NECTIN1: variants seen among roughly 807,000 people sequenced by gnomAD.
The protein encoded by NECTIN1 is nectin cell adhesion molecule 1, also known as nectin-1.
NECTIN1 carries 23 observed loss-of-function variants against 48.0 expected under a neutral mutation model. That is an observed-to-expected ratio of 0.48 (90% CI 0.34 to 0.68). The LOEUF is 0.68. NECTIN1 is among the 30% of genes least tolerant of loss of function. The pLI, the probability that NECTIN1 is intolerant of heterozygous loss-of-function variation, is 0.01. For missense variants in NECTIN1, 591 were observed against 709.9 expected, an observed-to-expected ratio of 0.83 and a Z score of 1.90; for synonymous variants, 270 against 288.9, an observed-to-expected ratio of 0.93 and a Z score of 0.66.
In NECTIN1 at chr11:119,678,366, G is replaced by A. The variant is rs374270391; in HGVS notation, c.430+49C>T. ...GGCATCCTGAGGATGGCCACGCCCCGAGGTCACAGGCCTCTGGATGAACAG... is the reference window on the plus strand; with the variant it reads ...GGCATCCTGAGGATGGCCACGCCCCAAGGTCACAGGCCTCTGGATGAACAG... On this transcript the variant is annotated intron_variant, in intron 2 of 5. Coordinates refer to ENST00000264025, the MANE Select transcript of NECTIN1 (RefSeq NM_002855.5). The surrounding 1 kb of genome is among the most constrained non-coding windows in gnomAD (Gnocchi z 4.4). 126 of 1,549,984 alleles carry A rather than the reference G, an allele frequency of 8.1e-5. No homozygotes were observed. In the Middle Eastern group the frequency reaches 2.4e-3, roughly 29 times the overall value.
intron 1 of NECTIN1, among the ~76,000 whole-genome samples, chr11:119,698,516 A>G (rs1195669608): frequency 6.6e-6 from 1 of 152,218 alleles, no homozygotes; most frequent in Non-Finnish European, 1.5e-5. Context: ...GTGCTTGGGC[A>G]TGTGGGATCA....
chr11:119,638,598 C>A (rs868603373), intron 7 of NECTIN1: 1 of 861,824 alleles, frequency 1.2e-6, no homozygotes, highest in Middle Eastern at 2.3e-4. Context: ...TAGCATGGAC[C>A]TGGCCTTGTG....
At chr11:119,712,293 C>G (rs1324080806) in intron 1 of NECTIN1, among the ~76,000 whole-genome samples, 1 of 152,132 alleles carries the variant, frequency 6.6e-6, no homozygotes, top group Non-Finnish European at 1.5e-5. Context: ...TTCTCAGCCT[C>G]CAGGTTTCAG....
At chr11:119,692,193 T>G (rs1285130224) in intron 1 of NECTIN1, among the ~76,000 whole-genome samples, 1 of 152,086 alleles carries the variant, frequency 6.6e-6, no homozygotes, top group Non-Finnish European at 1.5e-5. Flanking sequence ...CTTGTCGGGG[T>G]TTCAGGAGTC....
intron 5 of NECTIN1, among the ~76,000 whole-genome samples, chr11:119,652,771 G>T (rs1219189957): frequency 6.6e-6 from 1 of 152,168 alleles, no homozygotes; most frequent in Non-Finnish European, 1.5e-5. Context: ...AACACTGATT[G>T]TATCTACTAA....
intron 5 of NECTIN1, among the ~76,000 whole-genome samples, chr11:119,648,200 G>A: frequency 7.4e-6 from 1 of 134,422 alleles, no homozygotes; most frequent in Non-Finnish European, 1.6e-5. Context: ...TGGTGTGATG[G>A]TACTGGTGCA....
At chr11:119,653,133 G>A (rs886844034) in intron 5 of NECTIN1, among the ~76,000 whole-genome samples, 1 of 152,144 alleles carries the variant, frequency 6.6e-6, no homozygotes, top group African/African-American at 2.4e-5. Context: ...GTCTTGATCC[G>A]GGGGTGGTGA....
chr11:119,711,513 G>A (rs1362289685), intron 1 of NECTIN1, among the ~76,000 whole-genome samples: 2 of 152,158 alleles, frequency 1.3e-5, no homozygotes, highest in African/African-American at 2.4e-5. Context: ...GCTGAGCTAG[G>A]GCCTGCAGAG....
In NECTIN1 at chr11:119,648,346, CTGGTGG is replaced by C. The variant is rs1565376691; in HGVS notation, c.1004-8340_1004-8335del. ...GATGGTGGTGATGGTGGTGGTGATG[CTGGTGG>C]TGGTGATGCTGGTGATGGTGGTGAT... is the stretch of plus-strand genomic sequence containing the variant. On this transcript the variant is annotated intron_variant, in intron 5 of 7. Coordinates refer to the NECTIN1 transcript ENST00000341398. 6.1e-3 allele frequency among the ~76,000 whole-genome samples: 10 copies of C among 1,644 alleles called. 3 individuals are homozygous for C. The East Asian group carries it at 0.062, about 10-fold the overall frequency. 1.1% of individuals were successfully genotyped at this position (1,644 alleles called of 152,430 possible).
chr11:119,640,111 G>A lies in NECTIN1; in HGVS notation c.1004-99C>T. On this transcript the variant is annotated intron_variant, in intron 5 of 7. Coordinates refer to the NECTIN1 transcript ENST00000341398. Reference sequence around the variant, plus strand: ...GAGTCAGACCCTGAGGCAGTACTCTGCCTTTGACATTGCACCCCCAGCTCC... The same window carrying A: ...GAGTCAGACCCTGAGGCAGTACTCTACCTTTGACATTGCACCCCCAGCTCC... The A allele has an allele frequency of 1.8e-5, 24 of 1,317,232 alleles. No homozygotes were observed. The South Asian group carries it at 3.0e-4, about 17-fold the overall frequency. 81.6% of individuals were successfully genotyped at this position (1,317,232 alleles called of 1,614,324 possible).
In NECTIN1 at chr11:119,677,912, C is replaced by A. The variant is rs1864987745; in HGVS notation, c.431-55G>T. On this transcript the variant is annotated intron_variant, in intron 2 of 5. Transcript: ENST00000264025. This position sits in a 1 kb window ranked among gnomAD's most constrained non-coding sequence, Gnocchi z 5.4. Reference sequence around the variant, plus strand: ...TAGCCCTGTTGACTTGTCCAAGATGCACCGGCCAAAAGGGCGTGGCATCCG... The same window carrying A: ...TAGCCCTGTTGACTTGTCCAAGATGAACCGGCCAAAAGGGCGTGGCATCCG... 2.5e-6 allele frequency: 4 copies of A among 1,574,670 alleles called. No individual in the cohort carries two copies. The highest frequency in any genetic ancestry group is 1.1e-5 in the South Asian group (1 of 89,950).
In NECTIN1 at chr11:119,639,950, C is replaced by G. The variant is rs766944808; in HGVS notation, c.1066G>C (p.Val356Leu). The G allele has an allele frequency of 6.2e-6, 10 of 1,614,138 alleles. No individual in the cohort carries two copies. The South Asian group carries it at 1.1e-4, about 18-fold the overall frequency. ...AGCACAGCAACTAGGATGAGGAACA[C>G]GGCCACGGTGCCCGCCAGGAGCCTG... Residue 356 changes from valine (V) to leucine (L), a missense_variant, in exon 6 of 8, where the codon GTG (valine) becomes CTG (leucine). Val to Leu is a conservative substitution (Grantham distance 32). Coordinates refer to the NECTIN1 transcript ENST00000341398.
chr11:119,688,651 C>A (rs11217399), intron 1 of NECTIN1, among the ~76,000 whole-genome samples: 4 of 152,062 alleles, frequency 2.6e-5, no homozygotes, highest in African/African-American at 7.3e-5. Context: ...GTGGAGCTCA[C>A]GAGGGACATG....
Position 119,664,702 on chromosome 11 carries a change from G to T in NECTIN1, c.*45C>A. The T allele has an allele frequency of 6.5e-7, 1 of 1,527,034 alleles. No individual in the cohort carries two copies. Among genetic ancestry groups the T allele is most frequent in the Non-Finnish European group, 8.8e-7 (1 of 1,131,240 alleles). The allele number at this position is 1,527,034 out of a possible 1,614,324, so 94.6% of individuals were successfully genotyped here. On this transcript the variant is annotated 3_prime_UTR_variant, in exon 6 of 6. Transcript: ENST00000264025. Reference sequence around the variant, plus strand: ...GGGGTGGGCAGGGGGCGTGCGGGGAGGGGCTGGGGAGGAGCGGTCACAGAC... The same window carrying T: ...GGGGTGGGCAGGGGGCGTGCGGGGATGGGCTGGGGAGGAGCGGTCACAGAC...
intron 1 of NECTIN1, among the ~76,000 whole-genome samples, chr11:119,700,737 G>A (rs1009045115): frequency 8.5e-5 from 13 of 152,362 alleles, no homozygotes; most frequent in Middle Eastern, 3.4e-3. Context: ...TATGCAAGGC[G>A]TGGCTCTGTC....
intron 1 of NECTIN1, among the ~76,000 whole-genome samples, chr11:119,728,111 T>C (rs1293417074): frequency 6.6e-6 from 1 of 152,156 alleles, no homozygotes; most frequent in African/African-American, 2.4e-5. Flanking sequence ...CCCAAGACGG[T>C]GATTACGGTG....
intron 5 of NECTIN1, among the ~76,000 whole-genome samples, chr11:119,650,385 C>T (rs1346265632): frequency 1.3e-5 from 2 of 152,236 alleles, no homozygotes; most frequent in Non-Finnish European, 2.9e-5. Context: ...TCTTCCATAG[C>T]ATCTTTTCCA....
At chr11:119,704,520 C>T (rs1005582426) in intron 1 of NECTIN1, among the ~76,000 whole-genome samples, 2 of 152,122 alleles carry the variant, frequency 1.3e-5, no homozygotes, top group African/African-American at 4.8e-5. Flanking sequence ...CGCAGTCCAC[C>T]CCCGTGTTTC....
chr11:119,648,304 GTGATGGTGGTGATGGTGA>G (rs1864433849), intron 5 of NECTIN1, among the ~76,000 whole-genome samples: 1 of 9,348 alleles, frequency 1.1e-4, no homozygotes, highest in Non-Finnish European at 2.5e-4. Flanking sequence ...GGTGGTGGTG[GTGATGGTGGTGATGGTGA>G]TGGTGGTGAT....
Sources: allele counts gnomAD v4.1 joint callset (sites outside exome capture counted in the v4.1 genomes callset), GRCh38; gene constraint gnomAD v4.1.1; non-coding constraint Gnocchi (gnomAD v3.1); transcripts MANE v1.5; gene names NCBI Gene and HGNC (gene_info 2026-07-23, HGNC 2026-07-21).